The following ZNF407 variants were observed in gnomAD, a reference collection of about 807,000 sequenced individuals.
ZNF407 encodes zinc finger protein 407.
Under a neutral mutation model 131.2 loss-of-function variants are expected in ZNF407, and 17 were observed. The ratio of observed to expected loss-of-function variants is 0.13; its 90% CI spans 0.09 to 0.19. The LOEUF is 0.19. Ranked by LOEUF, ZNF407 falls within the 10% of genes least tolerant of loss-of-function variation. The pLI, the probability that ZNF407 is intolerant of heterozygous loss-of-function variation, is 1.00. For synonymous variants in ZNF407, 1,156 were observed against 1,062.0 expected (o/e 1.09, Z -1.72); for missense variants, 2,681 against 2,830.6 (o/e 0.95, Z 1.20).
chr18:74,612,094 A>G (rs539397414), intron 1 of ZNF407, among the ~76,000 whole-genome samples: 1 of 152,330 alleles, frequency 6.6e-6, no homozygotes, highest in East Asian at 1.9e-4. Context: ...CACCAAGGAT[A>G]ATACGCAGCT....
chr18:74,775,108 C>A (rs369702547), intron 3 of ZNF407, among the ~76,000 whole-genome samples: 10 of 152,106 alleles, frequency 6.6e-5, no homozygotes, highest in African/African-American at 2.4e-4. Context: ...AAAGGATAAA[C>A]CTTCAACATA....
intron 8 of ZNF407, among the ~76,000 whole-genome samples, chr18:75,060,538 C>T (rs1973617025): frequency 7.1e-6 from 1 of 140,006 alleles, no homozygotes; most frequent in Non-Finnish European, 1.5e-5. Flanking sequence ...CGGAGTCTCG[C>T]TCTGTCGCCC....
chr18:74,631,414 C>G lies in ZNF407; in HGVS notation c.395C>G (p.Ser132Cys). 1 of 1,613,952 alleles carries G rather than the reference C, an allele frequency of 6.2e-7. No individual in the cohort carries two copies. Among genetic ancestry groups the G allele is most frequent in the Non-Finnish European group, 8.5e-7 (1 of 1,179,878 alleles). The change falls in exon 2 of 9, where the codon TCC (serine) becomes TGC (cysteine). Residue 132 changes from serine (S) to cysteine (C), a missense_variant. Physicochemically the swap from Ser to Cys is moderately radical, Grantham distance 112. Coordinates refer to ENST00000299687, the MANE Select transcript of ZNF407 (RefSeq NM_017757.3). ...VGGTCLPNAL[S>C]PSCNFSTIDV... ...GGCACATGTCTCCCAAATGCCCTCT[C>G]CCCTTCTTGCAATTTTAGCACTATT...
At chr18:74,819,344 G>T (rs1450562470) in intron 4 of ZNF407, among the ~76,000 whole-genome samples, 1 of 152,060 alleles carries the variant, frequency 6.6e-6, no homozygotes, top group African/African-American at 2.4e-5. Flanking sequence ...GTTTGTTTTG[G>T]TTTCTGAGAG....
intron 3 of ZNF407, among the ~76,000 whole-genome samples, chr18:74,648,990 T>C (rs544935082): frequency 1.3e-5 from 2 of 152,334 alleles, no homozygotes; most frequent in South Asian, 4.1e-4. Flanking sequence ...CCCTGTCACT[T>C]TTCTTCTGAG....
At chr18:74,939,237 G>A (rs190992872) in intron 8 of ZNF407, among the ~76,000 whole-genome samples, 13 of 151,818 alleles carry the variant, frequency 8.6e-5, no homozygotes, top group African/African-American at 2.2e-4. Context: ...TTTTGTATTC[G>A]GAAATCTCAA....
At chr18:74,991,832 G>A in intron 8 of ZNF407, among the ~76,000 whole-genome samples, 1 of 152,180 alleles carries the variant, frequency 6.6e-6, no homozygotes, top group South Asian at 2.1e-4. Context: ...GTCCCTTCAG[G>A]AGTATTCCTT....
chr18:74,639,639 T>C (rs1489609353), intron 2 of ZNF407, among the ~76,000 whole-genome samples: 1 of 152,216 alleles, frequency 6.6e-6, no homozygotes. Context: ...TAAATATATT[T>C]TACATCTACT....
chr18:74,747,268 G>A (rs4580282), intron 3 of ZNF407, among the ~76,000 whole-genome samples: 144,852 of 152,258 alleles, frequency 0.95, 69,316 homozygotes, highest in East Asian at 1. Flanking sequence ...AAACAGAACC[G>A]TGATTTCAAT....
chr18:74,883,374 G>A (rs745818433), intron 6 of ZNF407, among the ~76,000 whole-genome samples: 4 of 152,154 alleles, frequency 2.6e-5, no homozygotes, highest in Non-Finnish European at 4.4e-5. Flanking sequence ...TGGTGCATTT[G>A]AAATCTATAT....
At chr18:74,766,317 T>A (rs1969231334) in intron 3 of ZNF407, among the ~76,000 whole-genome samples, 1 of 152,140 alleles carries the variant, frequency 6.6e-6, no homozygotes, top group Non-Finnish European at 1.5e-5. Context: ...GGTATGGGAT[T>A]CCACAGAAGC....
intron 8 of ZNF407, among the ~76,000 whole-genome samples, chr18:74,979,002 T>C (rs1173440745): frequency 6.6e-6 from 1 of 151,710 alleles, no homozygotes. Context: ...AAGGGAGAGA[T>C]GTGGGAAAGG....
chr18:74,848,541 T>G (rs1240729327), intron 4 of ZNF407, among the ~76,000 whole-genome samples: 1 of 152,194 alleles, frequency 6.6e-6, no homozygotes, highest in Non-Finnish European at 1.5e-5. Flanking sequence ...TTTCATTGTT[T>G]TGTAGAAGCT....
intron 3 of ZNF407, among the ~76,000 whole-genome samples, chr18:74,675,323 T>G (rs1986310395): frequency 6.6e-6 from 1 of 152,224 alleles, no homozygotes; most frequent in Non-Finnish European, 1.5e-5. Context: ...ATTTCCTTCT[T>G]TATTGTCAGT....
chr18:74,607,219 CTCAGCAGG>C (rs1982846584), intron 1 of ZNF407, among the ~76,000 whole-genome samples: 1 of 152,144 alleles, frequency 6.6e-6, no homozygotes. Flanking sequence ...CAGAAACTGG[CTCAGCAGG>C]CCAGGGCTGG....
chr18:74,768,255 C>G (rs949381270), intron 3 of ZNF407, among the ~76,000 whole-genome samples: 1 of 152,162 alleles, frequency 6.6e-6, no homozygotes, highest in Non-Finnish European at 1.5e-5. Flanking sequence ...GATGTTCAGT[C>G]AAGTATGGAG....
chr18:74,782,810 G>T (rs1367733031), intron 4 of ZNF407, among the ~76,000 whole-genome samples: 2 of 152,004 alleles, frequency 1.3e-5, no homozygotes, highest in African/African-American at 4.8e-5. Flanking sequence ...TAGTAGAGAC[G>T]GGGTTTCACT....
chr18:74,977,660 GGGAGCAGTGCCTGTT>G (rs1972543009), intron 8 of ZNF407, among the ~76,000 whole-genome samples: 1 of 152,218 alleles, frequency 6.6e-6, no homozygotes, highest in Non-Finnish European at 1.5e-5. Context: ...AGGCAGTAGA[GGGAGCAGTGCCTGTT>G]GATCGGCCAC....
intron 8 of ZNF407, among the ~76,000 whole-genome samples, chr18:75,038,053 C>T (rs550095421): frequency 6.6e-6 from 1 of 152,312 alleles, no homozygotes; most frequent in East Asian, 1.9e-4. Flanking sequence ...TAACTTCAAA[C>T]TCAAATCTTA....
Sources: allele counts gnomAD v4.1 joint callset (sites outside exome capture counted in the v4.1 genomes callset), GRCh38; gene constraint gnomAD v4.1.1; transcripts MANE v1.5; gene names NCBI Gene and HGNC (gene_info 2026-07-23, HGNC 2026-07-21).